Variants in PDLIM3 observed in about 807,000 individuals in gnomAD.
The protein encoded by PDLIM3 is PDZ and LIM domain protein 3.
Under a neutral mutation model 37.3 loss-of-function variants are expected in PDLIM3, and 36 were observed. The observed-to-expected ratio is 0.97, with a 90% CI of 0.74 to 1.28. The LOEUF is 1.28. Ranked by LOEUF, PDLIM3 falls within the 50% of genes most tolerant of loss-of-function variation. PDLIM3 has a pLI of 0.00. For missense variants in PDLIM3, 454 were observed against 485.0 expected (o/e 0.94, Z 0.60); for synonymous variants, 174 against 182.4 (o/e 0.95, Z 0.37).
chr4:185,525,287 CTG>C (rs746360921), intron 1 of PDLIM3, 116 bp from the exon 2 acceptor site: 485 of 993,032 alleles, frequency 4.9e-4, no homozygotes, highest in Non-Finnish European at 6.6e-4. Flanking sequence ...GGCAGAAAGA[CTG>C]TAAATCTAAC....
chr4:185,524,899 A>G lies in PDLIM3; in HGVS notation c.245+121T>C, dbSNP rs1254940934. ...AAAGAATTAAGTAGCTAATATATAA[A>G]AAGTCAGCCAAAATACTAGGTCTGT... On this transcript the variant is annotated intron_variant, in intron 2 of 7. Coordinates refer to ENST00000284767, the MANE Select transcript of PDLIM3 (RefSeq NM_014476.6). 5 of 933,550 alleles carry G rather than the reference A, an allele frequency of 5.4e-6. No homozygotes were observed. The East Asian group carries it at 1.2e-4, about 22-fold the overall frequency. 57.8% of individuals were successfully genotyped at this position (933,550 alleles called of 1,614,324 possible). A position where few individuals can be genotyped will look rare whatever the true frequency, so the allele number is the denominator to read the frequency against.
intron 4 of PDLIM3, chr4:185,511,947 C>A (rs2095707252): frequency 6.6e-6 from 1 of 152,034 alleles, no homozygotes; most frequent in African/African-American, 2.4e-5. Flanking sequence ...AAGTTAAAAA[C>A]AAATCTAGTT....
intron 4 of PDLIM3, chr4:185,512,605 T>A (rs1002476004): frequency 2.1e-6 from 2 of 935,918 alleles, no homozygotes; most frequent in Non-Finnish European, 2.5e-6. Context: ...TGACTTTTTA[T>A]AAAATTAAAT....
chr4:185,532,717 C>T (rs2095746802), intron 1 of PDLIM3, among the ~76,000 whole-genome samples: 1 of 152,214 alleles, frequency 6.6e-6, no homozygotes, highest in African/African-American at 2.4e-5. Context: ...GCATTTCACT[C>T]TCTACAAACA....
intron 3 of PDLIM3, chr4:185,515,629 G>A (rs1416319793): frequency 2.0e-5 from 3 of 152,136 alleles, no homozygotes; most frequent in African/African-American, 7.2e-5. Context: ...TTCAGAGAGA[G>A]AAAATGTGTA....
At chr4:185,520,413 G>A (rs925226136) in intron 3 of PDLIM3, among the ~76,000 whole-genome samples, 3 of 151,938 alleles carry the variant, frequency 2.0e-5, no homozygotes, top group African/African-American at 7.3e-5. Flanking sequence ...GGCTGCTATA[G>A]CCCTTAACCT....
At chr4:185,533,696 T>C (rs1459127711) in intron 1 of PDLIM3, among the ~76,000 whole-genome samples, 2 of 152,202 alleles carry the variant, frequency 1.3e-5, no homozygotes, top group Non-Finnish European at 2.9e-5. Context: ...CCAATAGCTA[T>C]TGTAGTCCAA....
rs2095693859 is a variant in PDLIM3, at chr4:185,504,726, T to A, written c.794-140A>T. 1 of 695,950 alleles carries A rather than the reference T, an allele frequency of 1.4e-6. No homozygotes were observed. Among genetic ancestry groups the A allele is most frequent in the Middle Eastern group, 3.6e-4 (1 of 2,778 alleles). The allele number at this position is 695,950 out of a possible 1,614,324, so 43.1% of individuals were successfully genotyped here. On this transcript the variant is annotated intron_variant, in intron 6 of 7. Transcript: ENST00000284767. The surrounding 1 kb of genome is among the most constrained non-coding windows in gnomAD (Gnocchi z 4.7). ...GAGAGGGGCAGGACTGATGCAATCATAAGGGACGCTGTTCTGAAATAGGGC... is the reference window on the plus strand; with the variant it reads ...GAGAGGGGCAGGACTGATGCAATCAAAAGGGACGCTGTTCTGAAATAGGGC...
intron 1 of PDLIM3, among the ~76,000 whole-genome samples, chr4:185,531,411 G>C (rs2153339600): frequency 1.3e-5 from 2 of 152,282 alleles, no homozygotes; most frequent in South Asian, 4.1e-4. Context: ...ACAACCAGTT[G>C]CTAAAAATTT....
Position 185,533,108 on chromosome 4 carries a change from T to C in PDLIM3, c.93+2234A>G, listed in dbSNP as rs148482836. On this transcript the variant is annotated intron_variant, in intron 1 of 7. Transcript: ENST00000284767. Reference sequence around the variant, plus strand: ...CATTCTCCTCATTTGCAAAAGGGGATGTCACTACTGCTACTCTCCTAAAGA... The same window carrying C: ...CATTCTCCTCATTTGCAAAAGGGGACGTCACTACTGCTACTCTCCTAAAGA... Among the ~76,000 whole-genome samples, 550 of 152,196 alleles carry C rather than the reference T, an allele frequency of 3.6e-3. 4 individuals are homozygous for C. The highest frequency in any genetic ancestry group is 7.1e-3 in the South Asian group (34 of 4,816).
intron 1 of PDLIM3, among the ~76,000 whole-genome samples, chr4:185,528,402 T>C (rs758499969): frequency 1.2e-4 from 19 of 152,256 alleles, no homozygotes; most frequent in Non-Finnish European, 2.5e-4. Flanking sequence ...GATATCTAAG[T>C]TGAATATCTT....
At chr4:185,502,729 C>A (rs1561187799) in intron 7 of PDLIM3, among the ~76,000 whole-genome samples, 1 of 152,160 alleles carries the variant, frequency 6.6e-6, no homozygotes, top group African/African-American at 2.4e-5. Flanking sequence ...GATTTTCAAA[C>A]AAGTACTTTA....
chr4:185,523,518 C>T, intron 2 of PDLIM3, 72 bp from the exon 3 acceptor site: 4 of 976,310 alleles, frequency 4.1e-6, no homozygotes, highest in Non-Finnish European at 6.4e-6. Context: ...TTTAGTTTCC[C>T]ATTATGTTTG....
At chr4:185,528,398 T>C (rs114788952) in intron 1 of PDLIM3, among the ~76,000 whole-genome samples, 3,356 of 152,362 alleles carry the variant, frequency 0.022, 132 homozygotes, top group African/African-American at 0.077. Flanking sequence ...ATTGGATATC[T>C]AAGTTGAATA....
At chr4:185,519,076 G>A (rs190892158) in intron 3 of PDLIM3, among the ~76,000 whole-genome samples, 1 of 152,242 alleles carries the variant, frequency 6.6e-6, no homozygotes, top group Admixed American at 6.5e-5. Context: ...TTAGTCAAGA[G>A]CAACACTTCG....
chr4:185,509,004 T>C (rs1366378290), intron 4 of PDLIM3, among the ~76,000 whole-genome samples: 13 of 152,224 alleles, frequency 8.5e-5, no homozygotes, highest in Non-Finnish European at 2.9e-5. Flanking sequence ...ACATTTAAAA[T>C]TAAAGTTTTA....
At chr4:185,524,274 G>A (rs775385030) in intron 2 of PDLIM3, among the ~76,000 whole-genome samples, 2 of 152,310 alleles carry the variant, frequency 1.3e-5, no homozygotes, top group African/African-American at 2.4e-5. Flanking sequence ...GAGAGTGAAA[G>A]AATCTATTTC....
At chr4:185,532,743 G>A (rs532065696) in intron 1 of PDLIM3, among the ~76,000 whole-genome samples, 1 of 152,318 alleles carries the variant, frequency 6.6e-6, no homozygotes, top group East Asian at 1.9e-4. Flanking sequence ...TGCCGCTGAA[G>A]GATTTTTAAG....
chr4:185,502,035 C>CA lies in PDLIM3; in HGVS notation c.*258dup. The CA allele has an allele frequency of 1.9e-6, 1 of 517,746 alleles. No homozygotes were observed. The highest frequency in any genetic ancestry group is 3.5e-5 in the East Asian group (1 of 28,312). 32.1% of individuals were successfully genotyped at this position (517,746 alleles called of 1,614,324 possible). A position where few individuals can be genotyped will look rare whatever the true frequency, so the allele number is the denominator to read the frequency against. The stretch of plus-strand genomic sequence containing the variant: ...CATGTAAATTGTGGAGTATGACATA[C>CA]AAAAAATTATTGCTTTAAATATCAT... On this transcript the variant is annotated 3_prime_UTR_variant, in exon 8 of 8. Transcript: ENST00000284767.
Sources: gnomAD v4.1 joint callset for allele counts (sites outside exome capture counted in the v4.1 genomes callset) on GRCh38, gnomAD v4.1.1 for gene constraint, Gnocchi (gnomAD v3.1) non-coding constraint, MANE v1.5 for transcripts, NCBI Gene and HGNC (gene_info 2026-07-23, HGNC 2026-07-21) for gene names.